TPH2: variants seen among roughly 807,000 people sequenced by gnomAD.
TPH2 encodes tryptophan hydroxylase 2.
A neutral mutation model predicts 59.1 loss-of-function variants in TPH2; 27 were observed. That is an observed-to-expected ratio of 0.46 (90% CI 0.34 to 0.63). The LOEUF is 0.63. Ranked by LOEUF, TPH2 falls within the 30% of genes least tolerant of loss-of-function variation. The pLI, the probability that TPH2 is intolerant of heterozygous loss-of-function variation, is 0.01. For synonymous variants in TPH2, 220 were observed against 210.5 expected (o/e 1.05, Z -0.39); for missense variants, 523 against 588.3 (o/e 0.89, Z 1.15).
At chr12:72,011,643 CT>C (rs1873101488) in intron 8 of TPH2, among the ~76,000 whole-genome samples, 1 of 152,234 alleles carries the variant, frequency 6.6e-6, no homozygotes, top group South Asian at 2.1e-4. Flanking sequence ...AACTGAAAAA[CT>C]TTCCCCCTGA....
intron 5 of TPH2, chr12:71,965,277 T>A (rs1871787585): frequency 1.3e-5 from 2 of 152,206 alleles, no homozygotes; most frequent in South Asian, 4.1e-4. Context: ...ATAGAATGAT[T>A]TATATTCCTC....
At chr12:72,020,331 G>A (rs902317799) in intron 8 of TPH2, among the ~76,000 whole-genome samples, 1 of 152,198 alleles carries the variant, frequency 6.6e-6, no homozygotes, top group African/African-American at 2.4e-5. Flanking sequence ...ATAGTCTAGT[G>A]TTGGGGGATA....
intron 7 of TPH2, among the ~76,000 whole-genome samples, chr12:71,986,063 A>G (rs542640630): frequency 1.4e-4 from 21 of 152,346 alleles, no homozygotes; most frequent in Admixed American, 3.3e-4. Context: ...TACCTTCTCA[A>G]AGGGCAGTAA....
intron 5 of TPH2, among the ~76,000 whole-genome samples, chr12:71,950,243 C>T (rs946681983): frequency 6.6e-6 from 1 of 152,140 alleles, no homozygotes; most frequent in Non-Finnish European, 1.5e-5. Flanking sequence ...GACTTTCACT[C>T]GCATCCGTGT....
chr12:71,976,863 T>C (rs963534984), intron 6 of TPH2, among the ~76,000 whole-genome samples: 3 of 152,146 alleles, frequency 2.0e-5, no homozygotes, highest in African/African-American at 7.2e-5. Flanking sequence ...TTATGCTAAA[T>C]GAAATAAGCC....
intron 7 of TPH2, among the ~76,000 whole-genome samples, chr12:71,992,021 A>G (rs1872587723): frequency 6.6e-6 from 1 of 152,204 alleles, no homozygotes; most frequent in Non-Finnish European, 1.5e-5. Flanking sequence ...GCCTGATTGA[A>G]TTAGTCTAAG....
rs528211235 is a variant in TPH2 at position 71,962,210 on chromosome 12, C to T, written c.609-10309C>T. On this transcript the variant is annotated intron_variant, in intron 5 of 10. Transcript: ENST00000333850. Reference sequence around the variant, plus strand: ...CTTGAATGTTTTGAAATTCAGGCATCATTTAGATGGTTGTTAAGTTGCTGT... The same window carrying T: ...CTTGAATGTTTTGAAATTCAGGCATTATTTAGATGGTTGTTAAGTTGCTGT... 70 of 985,896 alleles carry T rather than the reference C, an allele frequency of 7.1e-5. No individual in the cohort carries two copies. The Middle Eastern group carries it at 2.6e-3, about 37-fold the overall frequency. The allele number at this position is 985,896 out of a possible 1,614,324, so 61.1% of individuals were successfully genotyped here. A position where few individuals can be genotyped will look rare whatever the true frequency, so the allele number is the denominator to read the frequency against.
chr12:71,961,888 T>C, intron 5 of TPH2: 1 of 1,100,756 alleles, frequency 9.1e-7, no homozygotes, highest in Non-Finnish European at 1.1e-6. Context: ...ATTACGTCTC[T>C]TGTAAAGGCA....
At chr12:72,031,111 C>A in intron 9 of TPH2, 147 bp from the exon 10 acceptor site, 1 of 1,129,944 alleles carries the variant, frequency 8.8e-7, no homozygotes, top group Middle Eastern at 2.7e-4. Flanking sequence ...ACCCTGCACA[C>A]AGGAGAGTTC....
chr12:71,974,167 T>C (rs1872051854), intron 6 of TPH2, among the ~76,000 whole-genome samples: 1 of 152,148 alleles, frequency 6.6e-6, no homozygotes, highest in Admixed American at 6.5e-5. Context: ...CAGTACTGTT[T>C]TTTCTAAACT....
intron 1 of TPH2, among the ~76,000 whole-genome samples, chr12:71,941,161 A>C (rs1396815826): frequency 6.6e-6 from 1 of 152,276 alleles, no homozygotes; most frequent in South Asian, 2.1e-4. Context: ...TTATTTTCAA[A>C]AATATGTTTG....
intron 6 of TPH2, among the ~76,000 whole-genome samples, chr12:71,978,314 C>A (rs958061128): frequency 2.6e-5 from 4 of 152,012 alleles, no homozygotes; most frequent in Non-Finnish European, 4.4e-5. Flanking sequence ...TGATGACTCA[C>A]AACCTAATTG....
Position 71,944,765 on chromosome 12 carries a change from C to T in TPH2, c.540+79C>T, listed in dbSNP as rs1299683765. 3.2e-6 allele frequency: 4 copies of T among 1,251,218 alleles called. No homozygotes were observed. The African/African-American group carries it at 4.4e-5, about 14-fold the overall frequency. 77.5% of individuals were successfully genotyped at this position (1,251,218 alleles called of 1,614,324 possible). ...GCCAGGCACTGTGCCATGTTCTGTG[C>T]TGCAATGCTTTATTATAGAACAATT... On this transcript the variant is annotated intron_variant, in intron 4 of 10. Coordinates refer to ENST00000333850, the MANE Select transcript of TPH2 (RefSeq NM_173353.4).
At chr12:71,979,893 G>T (rs1437145106) in intron 7 of TPH2, among the ~76,000 whole-genome samples, 1 of 152,214 alleles carries the variant, frequency 6.6e-6, no homozygotes, top group South Asian at 2.1e-4. Flanking sequence ...TGCTTGGATT[G>T]TCTGGGAATG....
At chr12:71,960,508 C>T (rs148950242) in intron 5 of TPH2, among the ~76,000 whole-genome samples, 3 of 152,258 alleles carry the variant, frequency 2.0e-5, no homozygotes, top group East Asian at 3.9e-4. Flanking sequence ...CTACCTGAAG[C>T]GCAGCTCAGT....
Position 72,020,779 on chromosome 12 carries a change from G to T in TPH2, c.1069-1620G>T, listed in dbSNP as rs190406451. Among the ~76,000 whole-genome samples the T allele has an allele frequency of 2.3e-3, 345 of 152,208 alleles. 3 individuals carry two copies. The highest frequency in any genetic ancestry group is 7.5e-3 in the African/African-American group (310 of 41,528). On this transcript the variant is annotated intron_variant, in intron 8 of 10. Transcript: ENST00000333850. The stretch of plus-strand genomic sequence containing the variant: ...TGGGATTACAGGTGTGAGTCACCAC[G>T]CCCAGTCTAGGGCTGTAATTTTAGC...
At chr12:71,986,304 T>C (rs1181250943) in intron 7 of TPH2, among the ~76,000 whole-genome samples, 1 of 152,206 alleles carries the variant, frequency 6.6e-6, no homozygotes. Context: ...AGGGATAATG[T>C]GCCTCATAAA....
chr12:71,942,117 C>A (rs1871086329), intron 2 of TPH2, among the ~76,000 whole-genome samples: 1 of 152,150 alleles, frequency 6.6e-6, no homozygotes, highest in Admixed American at 6.6e-5. Context: ...GTCCTAGGAG[C>A]ATGTTTATTA....
rs142953257 is a variant in TPH2, at chr12:71,986,031, T to C, written c.941+6944T>C. On this transcript the variant is annotated intron_variant, in intron 7 of 10. Coordinates refer to ENST00000333850, the MANE Select transcript of TPH2 (RefSeq NM_173353.4). ...GCCTAACCTCTGTCCTGGAGAAACT[T>C]ACTCCTTCTTAAGTGACAAAGTACC... Among the ~76,000 whole-genome samples the C allele has an allele frequency of 4.6e-5, 7 of 152,314 alleles. No homozygotes were observed. In the East Asian group the frequency reaches 1.4e-3, roughly 29 times the overall value.
Sources: gnomAD v4.1 joint callset for allele counts (sites outside exome capture counted in the v4.1 genomes callset) on GRCh38, gnomAD v4.1.1 for gene constraint, MANE v1.5 for transcripts, NCBI Gene and HGNC (gene_info 2026-07-23, HGNC 2026-07-21) for gene names.